KCNQ1OT1: variants seen among roughly 807,000 people sequenced by gnomAD.
KCNQ1OT1 encodes the protein KCNQ1 opposite strand/antisense transcript 1, also known as KCNQ1 antisense RNA 2 (non-protein coding).
At chr11:2,688,453 C>A (rs1018784699) in exon 1 of KCNQ1OT1, 2 of 398,754 alleles carry the variant, frequency 5.0e-6, no homozygotes, top group East Asian at 7.1e-5. Context: ...ATCACTATTT[C>A]ACAGGAGAAC....
exon 1 of KCNQ1OT1, chr11:2,686,174 C>T (rs1049647740): frequency 3.3e-5 from 13 of 398,810 alleles, no homozygotes; most frequent in Non-Finnish European, 5.7e-5. Flanking sequence ...GAGAGCACAG[C>T]AATGCCTACT....
chr11:2,658,470 A>G lies in KCNQ1OT1; in HGVS notation n.41525T>C, dbSNP rs1402535410. ...GTGTCCTTTTGATGTGCCCCCCGCCATCCTTTTCATTTATTTTTAAGCATT... is the reference window on the plus strand; with the variant it reads ...GTGTCCTTTTGATGTGCCCCCCGCCGTCCTTTTCATTTATTTTTAAGCATT... On this transcript the variant is annotated non_coding_transcript_exon_variant, in exon 1 of 1. Coordinates refer to ENST00000597346, the Ensembl canonical transcript of KCNQ1OT1. The surrounding 1 kb of genome is among the most constrained non-coding windows in gnomAD (Gnocchi z 4.9). 7.5e-6 allele frequency: 3 copies of G among 398,366 alleles called. No individual in the cohort carries two copies. The highest frequency in any genetic ancestry group is 6.2e-5 in the African/African-American group (3 of 48,574). 24.7% of individuals were successfully genotyped at this position (398,366 alleles called of 1,614,324 possible). A position where few individuals can be genotyped will look rare whatever the true frequency, so the allele number is the denominator to read the frequency against.
chr11:2,698,992 C>T lies in KCNQ1OT1; in HGVS notation n.1003G>A. The stretch of plus-strand genomic sequence containing the variant: ...CACAACGGGGATTCCCACCTCCGAT[C>T]CTAATTCGGGCCCTGACTCAGAACC... On this transcript the variant is annotated non_coding_transcript_exon_variant, in exon 1 of 1. Coordinates refer to ENST00000597346, the Ensembl canonical transcript of KCNQ1OT1. The surrounding 1 kb of genome is among the most constrained non-coding windows in gnomAD (Gnocchi z 5.1). The T allele has an allele frequency of 2.5e-6, 1 of 398,680 alleles. No homozygotes were observed. Among genetic ancestry groups the T allele is most frequent in the Non-Finnish European group, 4.4e-6 (1 of 226,082 alleles). The allele number at this position is 398,680 out of a possible 1,614,324, so 24.7% of individuals were successfully genotyped here. A position where few individuals can be genotyped will look rare whatever the true frequency, so the allele number is the denominator to read the frequency against.
In KCNQ1OT1 at chr11:2,678,256, T is replaced by C. The variant is rs1850327621; in HGVS notation, n.21739A>G. The C allele has an allele frequency of 2.5e-6, 1 of 398,446 alleles. No homozygotes were observed. Among genetic ancestry groups the C allele is most frequent in the Non-Finnish European group, 4.4e-6 (1 of 225,972 alleles). The allele number at this position is 398,446 out of a possible 1,614,324, so 24.7% of individuals were successfully genotyped here. On this transcript the variant is annotated non_coding_transcript_exon_variant, in exon 1 of 1. Coordinates refer to ENST00000597346, the Ensembl canonical transcript of KCNQ1OT1. The surrounding 1 kb of genome is among the most constrained non-coding windows in gnomAD (Gnocchi z 4.9). ...GAGGTCCTTATCTTAAATTCTGAAA[T>C]AACCTCTCATCCTGAAATTGTTTTA... is the stretch of plus-strand genomic sequence containing the variant.
chr11:2,610,450 C>A (rs900142560), exon 1 of KCNQ1OT1: 1 of 398,376 alleles, frequency 2.5e-6, no homozygotes, highest in Non-Finnish European at 4.4e-6. Context: ...ATTTGATCCA[C>A]TTTTTTGGTT....
chr11:2,685,437 G>A (rs774859505), exon 1 of KCNQ1OT1: 6 of 398,592 alleles, frequency 1.5e-5, no homozygotes, highest in Non-Finnish European at 2.7e-5. Context: ...TCACCTGAAC[G>A]AGAAGCCCTT....
rs570009099 is a variant in KCNQ1OT1 at position 2,623,670 on chromosome 11, T to G, written n.76325A>C. ...ACTACAGTTTATCTGTCTACTCACC[T>G]ATGGAAGGACATCTCGGTTGCTTCC... On this transcript the variant is annotated non_coding_transcript_exon_variant, in exon 1 of 1. Coordinates refer to ENST00000597346, the Ensembl canonical transcript of KCNQ1OT1. The surrounding 1 kb of genome is among the most constrained non-coding windows in gnomAD (Gnocchi z 5.2). The G allele has an allele frequency of 1.6e-4, 63 of 398,594 alleles. 1 individual carries two copies. The Admixed American group carries it at 2.0e-3, about 13-fold the overall frequency. 24.7% of individuals were successfully genotyped at this position (398,594 alleles called of 1,614,324 possible).
chr11:2,640,059 C>T (rs192016715), exon 1 of KCNQ1OT1: 8 of 197,052 alleles, frequency 4.1e-5, no homozygotes, highest in African/African-American at 1.6e-4. Context: ...ATTGGAAAAG[C>T]ACAGTATTAG....
At position 2,659,394 on chromosome 11, in the gene KCNQ1OT1, A is replaced by G. The variant is rs1354858646; in HGVS notation, n.40601T>C. On this transcript the variant is annotated non_coding_transcript_exon_variant, in exon 1 of 1. Transcript: ENST00000597346. The surrounding 1 kb of genome is among the most constrained non-coding windows in gnomAD (Gnocchi z 4.3). ...ATCTGGCTTCTTTCACTGCTTAGCA[A>G]AATGCATTTGAGATTCATCCATGTT... The G allele has an allele frequency of 5.0e-6, 2 of 398,508 alleles. No homozygotes were observed. The highest frequency in any genetic ancestry group is 8.8e-6 in the Non-Finnish European group (2 of 226,060). 24.7% of individuals were successfully genotyped at this position (398,508 alleles called of 1,614,324 possible). A position where few individuals can be genotyped will look rare whatever the true frequency, so the allele number is the denominator to read the frequency against.
exon 1 of KCNQ1OT1, chr11:2,699,229 G>C: frequency 2.5e-6 from 1 of 398,772 alleles, no homozygotes. Context: ...CTCGACCCTG[G>C]CCACGCTGTC....
Position 2,678,358 on chromosome 11 carries a change from G to A in KCNQ1OT1, n.21637C>T. ...TAAATCCTTGCTTTATCGGGATTTT[G>A]ACAGAGTAATTAAATCCAATTTGGT... On this transcript the variant is annotated non_coding_transcript_exon_variant, in exon 1 of 1. Transcript: ENST00000597346. This position sits in a 1 kb window ranked among gnomAD's most constrained non-coding sequence, Gnocchi z 4.9. The A allele has an allele frequency of 2.5e-6, 1 of 398,340 alleles. No homozygotes were observed. The highest frequency in any genetic ancestry group is 3.6e-5 in the East Asian group (1 of 28,040). 24.7% of individuals were successfully genotyped at this position (398,340 alleles called of 1,614,324 possible). A position where few individuals can be genotyped will look rare whatever the true frequency, so the allele number is the denominator to read the frequency against.
exon 1 of KCNQ1OT1, chr11:2,681,745 A>G: frequency 2.5e-6 from 1 of 398,194 alleles, no homozygotes; most frequent in Non-Finnish European, 4.4e-6. Context: ...CTGATCACAC[A>G]CCAGGGCACT....
exon 1 of KCNQ1OT1, chr11:2,614,743 TTG>T (rs769106320): frequency 4.0e-5 from 16 of 398,394 alleles, no homozygotes; most frequent in Non-Finnish European, 6.6e-5. Context: ...ATGTCCATCC[TTG>T]TGTCCTAGAG....
chr11:2,674,350 G>C lies in KCNQ1OT1; in HGVS notation n.25645C>G. The C allele has an allele frequency of 2.5e-6, 1 of 398,278 alleles. No homozygotes were observed. 24.7% of individuals were successfully genotyped at this position (398,278 alleles called of 1,614,324 possible). A position where few individuals can be genotyped will look rare whatever the true frequency, so the allele number is the denominator to read the frequency against. Reference sequence around the variant, plus strand: ...CCCTCTGGAAATCTGAATTCCATTCGCTCTTGGCAAAGAGCAGCTTCCTGC... The same window carrying C: ...CCCTCTGGAAATCTGAATTCCATTCCCTCTTGGCAAAGAGCAGCTTCCTGC... On this transcript the variant is annotated non_coding_transcript_exon_variant, in exon 1 of 1. Coordinates refer to ENST00000597346, the Ensembl canonical transcript of KCNQ1OT1. The surrounding 1 kb of genome is among the most constrained non-coding windows in gnomAD (Gnocchi z 5.9).
chr11:2,613,200 A>G lies in KCNQ1OT1; in HGVS notation n.86795T>C. ...CAGGCACTTTATAACTCTGTCCTGT[A>G]TTTTACTGTCTGCTTGCAAAAGGTC... On this transcript the variant is annotated non_coding_transcript_exon_variant, in exon 1 of 1. Coordinates refer to ENST00000597346, the Ensembl canonical transcript of KCNQ1OT1. The surrounding 1 kb of genome is among the most constrained non-coding windows in gnomAD (Gnocchi z 4.8). 2.5e-6 allele frequency: 1 copy of G among 398,546 alleles called. No individual in the cohort carries two copies. Among genetic ancestry groups the G allele is most frequent in the East Asian group, 3.6e-5 (1 of 28,070 alleles). 24.7% of individuals were successfully genotyped at this position (398,546 alleles called of 1,614,324 possible). A position where few individuals can be genotyped will look rare whatever the true frequency, so the allele number is the denominator to read the frequency against.
exon 1 of KCNQ1OT1, chr11:2,641,906 T>C (rs762384431): frequency 4.0e-5 from 16 of 398,368 alleles, no homozygotes; most frequent in African/African-American, 6.2e-5. Flanking sequence ...TCCCAGTGTA[T>C]GTTCTTGGCA....
rs1205859326 is a variant in KCNQ1OT1, at chr11:2,664,927, G to C, written n.35068C>G. 2.5e-6 allele frequency: 1 copy of C among 398,462 alleles called. No individual in the cohort carries two copies. The highest frequency in any genetic ancestry group is 4.4e-6 in the Non-Finnish European group (1 of 226,078). 24.7% of individuals were successfully genotyped at this position (398,462 alleles called of 1,614,324 possible). On this transcript the variant is annotated non_coding_transcript_exon_variant, in exon 1 of 1. Coordinates refer to ENST00000597346, the Ensembl canonical transcript of KCNQ1OT1. The surrounding 1 kb of genome is among the most constrained non-coding windows in gnomAD (Gnocchi z 5.1). ...CATCTCGAGCTCTCCCCGCCCGCAGGGCCCCAGAGAGGTGAGGTCACTATA... is the reference window on the plus strand; with the variant it reads ...CATCTCGAGCTCTCCCCGCCCGCAGCGCCCCAGAGAGGTGAGGTCACTATA...
At chr11:2,667,134 T>C (rs1354310082) in exon 1 of KCNQ1OT1, 5 of 398,536 alleles carry the variant, frequency 1.3e-5, no homozygotes, top group Non-Finnish European at 2.2e-5. Context: ...GGGAAAGAGA[T>C]GGGATTGGGA....
rs1849207218 is a variant in KCNQ1OT1 at position 2,623,432 on chromosome 11, T to G, written n.76563A>C. 2 of 398,638 alleles carry G rather than the reference T, an allele frequency of 5.0e-6. No homozygotes were observed. The highest frequency in any genetic ancestry group is 8.8e-5 in the Admixed American group (2 of 22,730). The allele number at this position is 398,638 out of a possible 1,614,324, so 24.7% of individuals were successfully genotyped here. On this transcript the variant is annotated non_coding_transcript_exon_variant, in exon 1 of 1. Coordinates refer to ENST00000597346, the Ensembl canonical transcript of KCNQ1OT1. This position sits in a 1 kb window ranked among gnomAD's most constrained non-coding sequence, Gnocchi z 5.2. ...CTGTGCACTGCCTATTCAACCCTTC[T>G]TCCCCAACAACCCTTGGCAACCACT...
Sources: allele counts gnomAD v4.1 joint callset, GRCh38; gene constraint gnomAD v4.1.1; non-coding constraint Gnocchi (gnomAD v3.1); transcripts MANE v1.5; gene names NCBI Gene and HGNC (gene_info 2026-07-23, HGNC 2026-07-21).